The following SCOC variants were observed in gnomAD, a reference collection of about 807,000 sequenced individuals.
The protein encoded by SCOC is short coiled-coil protein.
SCOC carries 7 observed loss-of-function variants against 9.9 expected under a neutral mutation model. The ratio of observed to expected loss-of-function variants is 0.71; its 90% confidence interval spans 0.40 to 1.33. The LOEUF (loss-of-function observed/expected upper bound fraction) is 1.33. SCOC is among the 40% of genes most tolerant of loss of function. The pLI is 0.01. For missense variants in SCOC, 66 were observed against 89.7 expected, an observed-to-expected ratio of 0.74 and a Z score of 1.07; for synonymous variants, 19 against 28.2, an observed-to-expected ratio of 0.67 and a Z score of 1.03.
At chr4:140,355,211 T>TA (rs60752527) in intron 2 of SCOC, among the ~76,000 whole-genome samples, 60 of 61,386 alleles carry the variant, frequency 9.8e-4, no homozygotes, top group Admixed American at 1.2e-3. Flanking sequence ...CATTATATTT[T>TA]TATATATATA....
intron 1 of SCOC, among the ~76,000 whole-genome samples, chr4:140,301,538 T>C (rs1731810232): frequency 6.6e-6 from 1 of 152,208 alleles, no homozygotes; most frequent in South Asian, 2.1e-4. Context: ...GCTCCAGAGA[T>C]TCATGCTGAG....
At chr4:140,312,093 CT>C (rs1560695573) in intron 1 of SCOC, among the ~76,000 whole-genome samples, 1 of 152,170 alleles carries the variant, frequency 6.6e-6, no homozygotes, top group African/African-American at 2.4e-5. Flanking sequence ...ACTTCTATTG[CT>C]TTCTCCACCC....
intron 1 of SCOC, among the ~76,000 whole-genome samples, chr4:140,288,519 ATCC>A (rs1228684629): frequency 2.0e-5 from 3 of 151,784 alleles, no homozygotes; most frequent in Admixed American, 6.6e-5. Context: ...ACATACACAA[ATCC>A]TCCTATGCAC....
intron 1 of SCOC, among the ~76,000 whole-genome samples, chr4:140,292,053 C>T (rs968215568): frequency 1.3e-5 from 2 of 152,078 alleles, no homozygotes; most frequent in East Asian, 1.9e-4. Flanking sequence ...CACCCTCTGC[C>T]TCCTGCTCCT....
intron 1 of SCOC, among the ~76,000 whole-genome samples, chr4:140,337,874 G>A (rs1014717407): frequency 1.3e-5 from 2 of 152,170 alleles, no homozygotes; most frequent in South Asian, 4.1e-4. Flanking sequence ...GAGGTACAAG[G>A]AGGAGCTGGT....
intron 3 of SCOC, among the ~76,000 whole-genome samples, chr4:140,380,761 C>A (rs188615243): frequency 6.6e-6 from 1 of 152,244 alleles, no homozygotes; most frequent in Non-Finnish European, 1.5e-5. Context: ...TGAAGAATAG[C>A]ATTTAGTCTA....
intron 1 of SCOC, among the ~76,000 whole-genome samples, chr4:140,266,432 G>C (rs1230668566): frequency 1.3e-5 from 2 of 152,196 alleles, no homozygotes; most frequent in Non-Finnish European, 2.9e-5. Context: ...TAACTAAAAA[G>C]AGGGCTAAGA....
chr4:140,376,523 T>A (rs1041828234), intron 1 of SCOC: 1 of 152,198 alleles, frequency 6.6e-6, no homozygotes, highest in African/African-American at 2.4e-5. Flanking sequence ...TGAATTGTGC[T>A]CTCTCGCGTT....
At chr4:140,299,306 C>T (rs901577984) in intron 1 of SCOC, among the ~76,000 whole-genome samples, 1 of 152,172 alleles carries the variant, frequency 6.6e-6, no homozygotes, top group Non-Finnish European at 1.5e-5. Flanking sequence ...AGCATAGGCC[C>T]TGCTTGTGAG....
chr4:140,326,380 T>C (rs972247939), intron 1 of SCOC, among the ~76,000 whole-genome samples: 2 of 151,962 alleles, frequency 1.3e-5, no homozygotes, highest in African/African-American at 4.8e-5. Flanking sequence ...GAGATCCCAA[T>C]AGGCAACACA....
At chr4:140,347,102 AAT>A (rs1163422949) in intron 2 of SCOC, among the ~76,000 whole-genome samples, 1 of 152,210 alleles carries the variant, frequency 6.6e-6, no homozygotes, top group Non-Finnish European at 1.5e-5. Flanking sequence ...ACATCCCATA[AAT>A]AAGTGCGTTC....
At chr4:140,324,479 G>A (rs759796509) in intron 1 of SCOC, among the ~76,000 whole-genome samples, 3 of 151,886 alleles carry the variant, frequency 2.0e-5, no homozygotes, top group Admixed American at 6.6e-5. Context: ...AAAACACTCC[G>A]AGAACTCATA....
Position 140,343,610 on chromosome 4 carries a change from C to G in SCOC, c.-18-11C>G, listed in dbSNP as rs1726589102. 3 of 1,593,160 alleles carry G rather than the reference C, an allele frequency of 1.9e-6. No individual in the cohort carries two copies. In the African/African-American group the frequency reaches 4.0e-5, roughly 21 times the overall value. On this transcript the variant is annotated splice_polypyrimidine_tract_variant and intron_variant, in intron 1 of 4. Coordinates refer to the SCOC transcript ENST00000338517. ...GCTGCTTTTCTCTGCCCTCATTTTT[C>G]TTACTAACAGGTCTGAAAATTGAAC... is the stretch of plus-strand genomic sequence containing the variant.
intron 1 of SCOC, among the ~76,000 whole-genome samples, chr4:140,374,673 G>C (rs1728255457): frequency 6.6e-6 from 1 of 152,146 alleles, no homozygotes; most frequent in Admixed American, 6.5e-5. Flanking sequence ...AAAGATTCCA[G>C]AGGAGTTTGA....
intron 1 of SCOC, among the ~76,000 whole-genome samples, chr4:140,288,892 C>G (rs552676410): frequency 6.6e-6 from 1 of 152,080 alleles, no homozygotes; most frequent in South Asian, 2.1e-4. Context: ...CATACATACA[C>G]AGCTCCACCA....
intron 1 of SCOC, among the ~76,000 whole-genome samples, chr4:140,279,400 C>T (rs1340280793): frequency 1.3e-5 from 2 of 152,206 alleles, no homozygotes; most frequent in Non-Finnish European, 2.9e-5. Context: ...GACTTTGTTT[C>T]TGCTTTGTAT....
intron 1 of SCOC, among the ~76,000 whole-genome samples, chr4:140,308,899 T>C (rs1732071240): frequency 6.6e-6 from 1 of 152,156 alleles, no homozygotes; most frequent in East Asian, 1.9e-4. Context: ...CCAGCCAGTC[T>C]AGAGCTTACA....
chr4:140,350,557 G>T (rs1322321104), intron 2 of SCOC, among the ~76,000 whole-genome samples: 1 of 152,104 alleles, frequency 6.6e-6, no homozygotes, highest in African/African-American at 2.4e-5. Flanking sequence ...TTTTCAGAAC[G>T]CATTTATTGA....
upstream of SCOC, among the ~76,000 whole-genome samples, chr4:140,339,034 A>T (rs1490389062): frequency 6.6e-6 from 1 of 152,224 alleles, no homozygotes; most frequent in African/African-American, 2.4e-5. Context: ...GCATCATGCT[A>T]CCTGACTTCA....
Sources: gnomAD v4.1 joint callset for allele counts (sites outside exome capture counted in the v4.1 genomes callset) on GRCh38, gnomAD v4.1.1 for gene constraint, MANE v1.5 for transcripts, NCBI Gene and HGNC (gene_info 2026-07-23, HGNC 2026-07-21) for gene names.